Variants in PCDHA10 observed in about 807,000 individuals in gnomAD.
PCDHA10 encodes protocadherin alpha-10.
Under a neutral mutation model 61.2 loss-of-function variants are expected in PCDHA10, and 45 were observed. The observed-to-expected ratio is 0.74, with a 90% confidence interval of 0.58 to 0.94. The LOEUF (loss-of-function observed/expected upper bound fraction) is 0.94, where lower values mean the gene tolerates loss of function less well. PCDHA10 is among the 40% of genes least tolerant of loss of function. PCDHA10 has a pLI of 0.00. For missense variants in PCDHA10, 1,278 were observed against 1,236.2 expected (o/e 1.03, Z -0.51); for synonymous variants, 602 against 548.8 (o/e 1.10, Z -1.35).
chr5:140,913,821 A>G (rs2153527973), intron 1 of PCDHA10, among the ~76,000 whole-genome samples: 1 of 152,122 alleles, frequency 6.6e-6, no homozygotes, highest in East Asian at 1.9e-4. Context: ...TTCCTTTTAA[A>G]TTTCTTTATT....
chr5:140,934,995 T>G (rs1443676222), intron 1 of PCDHA10, among the ~76,000 whole-genome samples: 1 of 152,172 alleles, frequency 6.6e-6, no homozygotes, highest in East Asian at 1.9e-4. Context: ...ACACCCTGAA[T>G]CCTTTTCATG....
At chr5:140,886,364 C>T (rs2060956289) in intron 1 of PCDHA10, among the ~76,000 whole-genome samples, 1 of 152,082 alleles carries the variant, frequency 6.6e-6, no homozygotes. Context: ...CATAGGTGTA[C>T]ATGCCATGGT....
At position 140,995,103 on chromosome 5, in the gene PCDHA10, C is replaced by T. The variant is rs535399594; in HGVS notation, c.2536+12540C>T. Reference sequence around the variant, plus strand: ...CAAACTTATCTGTGGAGATACATTCCAAGACCCTCAGTGGATGCCTGAAAC... The same window carrying T: ...CAAACTTATCTGTGGAGATACATTCTAAGACCCTCAGTGGATGCCTGAAAC... On this transcript the variant is annotated intron_variant, in intron 3 of 3. Coordinates refer to ENST00000307360, the MANE Select transcript of PCDHA10 (RefSeq NM_018901.4). 1.1e-4 allele frequency among the ~76,000 whole-genome samples: 16 copies of T among 152,290 alleles called. No individual in the cohort carries two copies. In the South Asian group the frequency reaches 2.9e-3, roughly 28 times the overall value.
chr5:140,980,857 T>C (rs2153822974), intron 2 of PCDHA10, among the ~76,000 whole-genome samples: 1 of 152,334 alleles, frequency 6.6e-6, no homozygotes. Flanking sequence ...ATCTTTTTCG[T>C]ATGTGTGCTT....
intron 1 of PCDHA10, among the ~76,000 whole-genome samples, chr5:140,914,897 TTG>T (rs1415652208): frequency 6.6e-6 from 1 of 151,972 alleles, no homozygotes; most frequent in East Asian, 1.9e-4. Context: ...GCTTTTAACT[TTG>T]TGTTGTTTCT....
intron 3 of PCDHA10, among the ~76,000 whole-genome samples, chr5:141,005,531 G>A (rs1441846175): frequency 1.3e-5 from 2 of 151,072 alleles, no homozygotes; most frequent in African/African-American, 4.9e-5. Context: ...GTGAAACCCC[G>A]TCTCTACTAA....
intron 3 of PCDHA10, among the ~76,000 whole-genome samples, chr5:141,002,021 C>A (rs1177146388): frequency 2.6e-5 from 4 of 152,184 alleles, no homozygotes; most frequent in Admixed American, 6.5e-5. Flanking sequence ...GCACAGCCTT[C>A]GGTGCCCTGA....
chr5:140,858,506 A>C (rs1581511575), intron 1 of PCDHA10, 70 bp downstream of exon 1: 1 of 1,447,272 alleles, frequency 6.9e-7, no homozygotes, highest in Non-Finnish European at 9.5e-7. Context: ...CATTTTCTCA[A>C]ATATGTATCA....
chr5:140,927,176 TGACCTAC>T (rs1285493810), intron 1 of PCDHA10: 5 of 1,614,156 alleles, frequency 3.1e-6, no homozygotes, highest in Non-Finnish European at 4.2e-6. Flanking sequence ...GCCTGCGTCT[TGACCTAC>T]GACCTGGTGC....
At chr5:140,977,263 TAC>T (rs1466968557) in intron 1 of PCDHA10, among the ~76,000 whole-genome samples, 4 of 152,230 alleles carry the variant, frequency 2.6e-5, no homozygotes, top group Admixed American at 1.3e-4. Flanking sequence ...CAGCAGATGT[TAC>T]AGTCTTTCTC....
chr5:140,953,528 C>T (rs2094898852), intron 1 of PCDHA10, among the ~76,000 whole-genome samples: 1 of 152,112 alleles, frequency 6.6e-6, no homozygotes, highest in Non-Finnish European at 1.5e-5. Context: ...AAACGGGAAA[C>T]TCACTTCATG....
chr5:140,858,852 T>A lies in PCDHA10; in HGVS notation c.2388+416T>A, dbSNP rs1327075015. The A allele has an allele frequency of 2.5e-5, 7 of 281,540 alleles. 1 individual carries two copies. The highest frequency in any genetic ancestry group is 4.7e-5 in the Non-Finnish European group (7 of 148,550). The allele number at this position is 281,540 out of a possible 1,614,324, so 17.4% of individuals were successfully genotyped here. On this transcript the variant is annotated intron_variant, in intron 1 of 3. Coordinates refer to ENST00000307360, the MANE Select transcript of PCDHA10 (RefSeq NM_018901.4). ...TACCAAAAAATTCCACTGATCTATA[T>A]CTCTTCAGTGAAAATGTGTTTTCCT... is the stretch of plus-strand genomic sequence containing the variant.
chr5:140,928,461 C>T, intron 1 of PCDHA10: 2 of 1,614,108 alleles, frequency 1.2e-6, no homozygotes, highest in Non-Finnish European at 1.7e-6. Context: ...GGTTTCATTT[C>T]CAAGTAGAAG....
chr5:140,962,554 C>T lies in PCDHA10; in HGVS notation c.2389-16395C>T, dbSNP rs567554880. ...TTAGAACTAAAAATGTAGAGGATCTCCCCCTAAAAGCCAATTGTTAATGCC... is the reference window on the plus strand; with the variant it reads ...TTAGAACTAAAAATGTAGAGGATCTTCCCCTAAAAGCCAATTGTTAATGCC... On this transcript the variant is annotated intron_variant, in intron 1 of 3. Transcript: ENST00000307360. 3.9e-5 allele frequency among the ~76,000 whole-genome samples: 6 copies of T among 152,284 alleles called. No individual in the cohort carries two copies. The South Asian group carries it at 1.2e-3, about 32-fold the overall frequency.
chr5:141,009,852 A>G lies in PCDHA10; in HGVS notation c.2762A>G (p.Lys921Arg), dbSNP rs1554262492. The G allele has an allele frequency of 6.2e-7, 1 of 1,614,074 alleles. No homozygotes were observed. Among genetic ancestry groups the G allele is most frequent in the East Asian group, 2.2e-5 (1 of 44,874 alleles). ...FITFGKKEET[K>R]KKKKKKKGNK... ...ACCTTCGGCAAAAAGGAGGAGACCA[A>G]GAAAAAGAAGAAAAAGAAGAAGGGT... Residue 921 changes from lysine (K) to arginine (R), a missense_variant, in exon 4 of 4, where the codon AAG becomes AGG. Physicochemically the swap from Lys to Arg is conservative, Grantham distance 26. Coordinates refer to ENST00000307360, the MANE Select transcript of PCDHA10 (RefSeq NM_018901.4).
At chr5:140,927,183 C>G (rs1554204140) in intron 1 of PCDHA10, 2 of 1,614,042 alleles carry the variant, frequency 1.2e-6, no homozygotes, top group African/African-American at 2.7e-5. Flanking sequence ...TCTTGACCTA[C>G]GACCTGGTGC....
At chr5:140,950,791 A>T (rs2153690738) in intron 1 of PCDHA10, among the ~76,000 whole-genome samples, 1 of 152,142 alleles carries the variant, frequency 6.6e-6, no homozygotes, top group East Asian at 1.9e-4. Flanking sequence ...CTTTTTAAAT[A>T]TTGTCTGGTT....
intron 1 of PCDHA10, chr5:140,969,220 G>A (rs2096308533): frequency 6.2e-7 from 1 of 1,614,084 alleles, no homozygotes; most frequent in African/African-American, 1.3e-5. Flanking sequence ...CAGGACCAGG[G>A]CCTTCGGGAG....
In PCDHA10 at chr5:140,857,567, G is replaced by A; in HGVS notation, c.1519G>A (p.Val507Met). The change falls in exon 1 of 4, where the codon GTG becomes ATG. Residue 507 changes from valine to methionine, a missense_variant. Transcript: ENST00000307360. ...RLGERSLSSY[V>M]SVHAESGKVY... ...GGGCGAGCGCTCGCTGTCGAGCTACGTGTCGGTGCACGCGGAGAGCGGCAA... is the reference window on the plus strand; with the variant it reads ...GGGCGAGCGCTCGCTGTCGAGCTACATGTCGGTGCACGCGGAGAGCGGCAA... 1 of 1,596,986 alleles carries A rather than the reference G, an allele frequency of 6.3e-7. No homozygotes were observed. The highest frequency in any genetic ancestry group is 1.1e-5 in the South Asian group (1 of 90,494).
Sources: gnomAD v4.1 joint callset for allele counts (sites outside exome capture counted in the v4.1 genomes callset) on GRCh38, gnomAD v4.1.1 for gene constraint, MANE v1.5 for transcripts, NCBI Gene and HGNC (gene_info 2026-07-23, HGNC 2026-07-21) for gene names.